NLGN1: variants seen among roughly 807,000 people sequenced by gnomAD.
NLGN1 encodes neuroligin 1.
Under a neutral mutation model 65.5 loss-of-function variants are expected in NLGN1, and 12 were observed. The observed-to-expected ratio is 0.18, with a 90% CI of 0.12 to 0.30. The LOEUF is 0.30. Ranked by LOEUF, NLGN1 falls within the 10% of genes least tolerant of loss-of-function variation. The pLI is 1.00. For synonymous variants in NLGN1, 350 were observed against 359.5 expected, an observed-to-expected ratio of 0.97 and a Z score of 0.30; for missense variants, 750 against 1,007.1, an observed-to-expected ratio of 0.74 and a Z score of 3.46.
intron 3 of NLGN1, chr3:173,789,988 C>T (rs1489482055): frequency 2.4e-6 from 1 of 416,698 alleles, no homozygotes; most frequent in Non-Finnish European, 4.8e-6. Context: ...CCTTTGTTGT[C>T]ATAACCATGC....
intron 4 of NLGN1, among the ~76,000 whole-genome samples, chr3:173,971,892 A>G (rs750335447): frequency 1.6e-4 from 24 of 152,046 alleles, no homozygotes; most frequent in Non-Finnish European, 3.5e-4. Flanking sequence ...GCCTTAGGCT[A>G]CTGGCCTAAG....
At chr3:173,416,283 T>A (rs1003592608) in intron 1 of NLGN1, among the ~76,000 whole-genome samples, 3 of 152,212 alleles carry the variant, frequency 2.0e-5, no homozygotes, top group Non-Finnish European at 4.4e-5. Context: ...AAGCCTCATT[T>A]CTTCATTTGC....
At chr3:174,038,647 C>G (rs766728203) in intron 4 of NLGN1, among the ~76,000 whole-genome samples, 3 of 152,172 alleles carry the variant, frequency 2.0e-5, no homozygotes, top group Admixed American at 1.3e-4. Flanking sequence ...AGGTTACCCC[C>G]CTGAGTCCAT....
intron 4 of NLGN1, among the ~76,000 whole-genome samples, chr3:173,861,995 C>T (rs544564025): frequency 6.6e-6 from 1 of 151,850 alleles, no homozygotes; most frequent in Non-Finnish European, 1.5e-5. Flanking sequence ...TCTTGAACTC[C>T]TGACCTCAGG....
At chr3:174,197,691 G>A (rs961193674) in intron 4 of NLGN1, among the ~76,000 whole-genome samples, 1 of 150,234 alleles carries the variant, frequency 6.7e-6, no homozygotes, top group Admixed American at 6.7e-5. Flanking sequence ...AAATAGGTAC[G>A]GGCAGTCAAA....
At chr3:174,215,393 T>C (rs1290482240) in intron 4 of NLGN1, among the ~76,000 whole-genome samples, 1 of 152,166 alleles carries the variant, frequency 6.6e-6, no homozygotes, top group Non-Finnish European at 1.5e-5. Context: ...CAAAAGCCTG[T>C]GGGTAAGCCT....
At chr3:173,611,209 C>T (rs906566536) in intron 3 of NLGN1, among the ~76,000 whole-genome samples, 1 of 151,952 alleles carries the variant, frequency 6.6e-6, no homozygotes, top group Admixed American at 6.6e-5. Context: ...GTGAGATCTT[C>T]CTATGGTCTA....
At chr3:173,786,197 C>T (rs985886683) in intron 3 of NLGN1, among the ~76,000 whole-genome samples, 12 of 152,206 alleles carry the variant, frequency 7.9e-5, no homozygotes, top group Admixed American at 2.6e-4. Context: ...GATTTTTATA[C>T]AGGGATTAAA....
At chr3:173,875,249 T>C (rs1731904120) in intron 4 of NLGN1, among the ~76,000 whole-genome samples, 1 of 152,192 alleles carries the variant, frequency 6.6e-6, no homozygotes, top group South Asian at 2.1e-4. Flanking sequence ...GCAGTTATTA[T>C]TTCTACATAT....
intron 4 of NLGN1, among the ~76,000 whole-genome samples, chr3:174,224,031 A>C (rs1037201580): frequency 1.2e-4 from 18 of 152,180 alleles, no homozygotes; most frequent in Non-Finnish European, 2.1e-4. Flanking sequence ...ATTTTGTATG[A>C]TAACCCTGAG....
At chr3:173,531,887 G>C (rs553646879) in intron 2 of NLGN1, among the ~76,000 whole-genome samples, 13 of 151,900 alleles carry the variant, frequency 8.6e-5, no homozygotes, top group South Asian at 8.3e-4. Context: ...TTCATTATTA[G>C]CTTTACACAG....
intron 3 of NLGN1, among the ~76,000 whole-genome samples, chr3:173,715,844 T>C (rs1392015320): frequency 6.6e-6 from 1 of 151,934 alleles, no homozygotes. Flanking sequence ...GTTTATACTG[T>C]TTTTTGTGTC....
intron 4 of NLGN1, among the ~76,000 whole-genome samples, chr3:173,953,902 A>C (rs1027862645): frequency 4.6e-5 from 7 of 152,132 alleles, no homozygotes; most frequent in Non-Finnish European, 1.0e-4. Context: ...TTTTACTATC[A>C]AAAGTATTCC....
intron 4 of NLGN1, among the ~76,000 whole-genome samples, chr3:173,821,046 C>T (rs1720186770): frequency 6.6e-6 from 1 of 152,152 alleles, no homozygotes; most frequent in African/African-American, 2.4e-5. Flanking sequence ...ACCCACTCAT[C>T]TTTTATAACA....
chr3:173,963,401 TAAA>T lies in NLGN1; in HGVS notation c.646+155570_646+155572del, dbSNP rs1714065184. Among the ~76,000 whole-genome samples, 7 of 152,292 alleles carry T rather than the reference TAAA, an allele frequency of 4.6e-5. No homozygotes were observed. In the South Asian group the frequency reaches 1.5e-3, roughly 32 times the overall value. ...AAAACGCATAAGAAAATAAAAATCA[TAAA>T]TTTCACTTCACAGGTTACATTTTAC... On this transcript the variant is annotated intron_variant, in intron 4 of 6. Coordinates refer to ENST00000457714, the Ensembl canonical transcript of NLGN1.
chr3:173,885,233 T>A (rs1035529765), intron 4 of NLGN1, among the ~76,000 whole-genome samples: 1 of 152,154 alleles, frequency 6.6e-6, no homozygotes, highest in Non-Finnish European at 1.5e-5. Context: ...TTAATTTTAT[T>A]ATTTAACGCA....
Position 173,440,105 on chromosome 3 carries a change from T to C in NLGN1, c.-321+5027T>C, listed in dbSNP as rs147239404. Among the ~76,000 whole-genome samples the C allele has an allele frequency of 2.5e-3, 378 of 152,284 alleles. 1 individual carries two copies. Among genetic ancestry groups the C allele is most frequent in the Non-Finnish European group, 4.7e-3 (318 of 67,996 alleles). ...TCATTTCAACAATGTTTAGAGCATC[T>C]TTACCAGGAGTAGATTTCATGTCTT... is the stretch of plus-strand genomic sequence containing the variant. On this transcript the variant is annotated intron_variant, in intron 2 of 6. Transcript: ENST00000457714.
At chr3:173,426,075 TA>T (rs1716043487) in intron 1 of NLGN1, among the ~76,000 whole-genome samples, 2 of 152,142 alleles carry the variant, frequency 1.3e-5, no homozygotes, top group African/African-American at 2.4e-5. Flanking sequence ...CTAGGTATTT[TA>T]TTTTTTTGTA....
intron 4 of NLGN1, among the ~76,000 whole-genome samples, chr3:173,934,479 G>T (rs1399296343): frequency 6.6e-6 from 1 of 151,754 alleles, no homozygotes; most frequent in Admixed American, 6.6e-5. Context: ...CAAACCACAG[G>T]TTACATTAAT....
Sources: gnomAD v4.1 joint callset for allele counts (sites outside exome capture counted in the v4.1 genomes callset) on GRCh38, gnomAD v4.1.1 for gene constraint, MANE v1.5 for transcripts, NCBI Gene and HGNC (gene_info 2026-07-23, HGNC 2026-07-21) for gene names.